The following DACH2 variants were observed in gnomAD, a reference collection of about 807,000 sequenced individuals.
DACH2 encodes the protein dachshund homolog 2.
DACH2 carries 17 observed loss-of-function variants against 35.8 expected under a neutral mutation model. The observed-to-expected ratio is 0.48, with a 90% CI of 0.33 to 0.71. DACH2 has a LOEUF of 0.71. DACH2 is among the 30% of genes least tolerant of loss of function. The pLI is 0.02. For synonymous variants in DACH2, 195 were observed against 177.3 expected, an observed-to-expected ratio of 1.10 and a Z score of -0.79; for missense variants, 469 against 472.7, an observed-to-expected ratio of 0.99 and a Z score of 0.07.
At chrX:86,214,829 T>C (rs993639961) in intron 1 of DACH2, among the ~76,000 whole-genome samples, 3 of 111,548 alleles carry the variant, frequency 2.7e-5, no homozygotes, top group Non-Finnish European at 5.7e-5. Context: ...TAGAAGAAAA[T>C]ACATAGTCAT....
At chrX:86,244,840 C>T (rs2033245095) in intron 1 of DACH2, among the ~76,000 whole-genome samples, 1 of 111,998 alleles carries the variant, frequency 8.9e-6, no homozygotes, top group African/African-American at 3.2e-5. Context: ...AAAGAGATTG[C>T]CACTAAAAAT....
intron 3 of DACH2, among the ~76,000 whole-genome samples, chrX:86,595,456 A>C (rs781207887): frequency 9.0e-6 from 1 of 111,116 alleles, no homozygotes; most frequent in African/African-American, 3.3e-5. Context: ...CATGATATAT[A>C]ATTCTCTACC....
Position 86,832,312 on chromosome X carries a change from T to C in DACH2, c.*157T>C. 4 of 455,301 alleles carry C rather than the reference T, an allele frequency of 8.8e-6. No individual in the cohort carries two copies. Among genetic ancestry groups the C allele is most frequent in the Non-Finnish European group, 1.1e-5 (3 of 271,366 alleles). 37.5% of individuals were successfully genotyped at this position (455,301 alleles called of 1,213,427 possible). A position where few individuals can be genotyped will look rare whatever the true frequency, so the allele number is the denominator to read the frequency against. ...TGTTACATTAAAAAAGAAACGCGTG[T>C]ACATTTTAAAAGCAATGATGTAAAC... On this transcript the variant is annotated 3_prime_UTR_variant, in exon 12 of 12. Coordinates refer to ENST00000373125, the MANE Select transcript of DACH2 (RefSeq NM_053281.3).
At chrX:86,577,133 G>C (rs1201087414) in intron 3 of DACH2, among the ~76,000 whole-genome samples, 1 of 111,902 alleles carries the variant, frequency 8.9e-6, no homozygotes, top group Non-Finnish European at 1.9e-5. Context: ...AATGGGTAAA[G>C]CATCTAATTT....
chrX:86,234,683 G>A (rs972641271), intron 1 of DACH2, among the ~76,000 whole-genome samples: 7 of 107,202 alleles, frequency 6.5e-5, no homozygotes, highest in South Asian at 4.2e-4. Context: ...GTGCGATCTC[G>A]GCTCACTGCA....
intron 1 of DACH2, among the ~76,000 whole-genome samples, chrX:86,266,707 C>A (rs943559211): frequency 9.0e-6 from 1 of 111,466 alleles, no homozygotes; most frequent in African/African-American, 3.3e-5. Context: ...CTTAACTTCT[C>A]TGGACCTCAG....
chrX:86,613,501 A>T (rs1041002860), intron 3 of DACH2, among the ~76,000 whole-genome samples: 1 of 111,736 alleles, frequency 8.9e-6, no homozygotes, highest in African/African-American at 3.2e-5. Flanking sequence ...CCAATTATAA[A>T]TTTTTTTGGT....
intron 1 of DACH2, among the ~76,000 whole-genome samples, chrX:86,281,394 A>G (rs756611130): frequency 2.9e-4 from 32 of 111,938 alleles, no homozygotes; most frequent in African/African-American, 9.1e-4. Context: ...AACCAGTGAC[A>G]AAAACCACAT....
At chrX:86,279,181 G>A (rs2033976015) in intron 1 of DACH2, among the ~76,000 whole-genome samples, 1 of 111,889 alleles carries the variant, frequency 8.9e-6, no homozygotes, top group African/African-American at 3.2e-5. Context: ...CCAGCACAGT[G>A]CTTGAACTCT....
intron 7 of DACH2, among the ~76,000 whole-genome samples, chrX:86,781,024 ACT>A (rs2042084475): frequency 9.0e-6 from 1 of 110,676 alleles, no homozygotes; most frequent in African/African-American, 3.3e-5. Flanking sequence ...GAGTTTATAA[ACT>A]CAGTGTTTCA....
At chrX:86,461,750 T>C (rs920225789) in intron 2 of DACH2, among the ~76,000 whole-genome samples, 2 of 111,628 alleles carry the variant, frequency 1.8e-5, no homozygotes, top group Admixed American at 9.5e-5. Context: ...AAATGGAGGT[T>C]CTGTGAAAGC....
intron 2 of DACH2, among the ~76,000 whole-genome samples, chrX:86,489,590 A>G (rs1178980766): frequency 9.0e-6 from 1 of 111,548 alleles, no homozygotes; most frequent in African/African-American, 3.2e-5. Context: ...CCATTTCACA[A>G]TGTAAACATG....
chrX:86,510,882 C>T (rs1364109312), intron 2 of DACH2, among the ~76,000 whole-genome samples: 1 of 111,122 alleles, frequency 9.0e-6, no homozygotes, highest in Non-Finnish European at 1.9e-5. Context: ...CAAATAATTG[C>T]CAAGAAACAA....
chrX:86,423,064 C>A (rs1325920240), intron 2 of DACH2, among the ~76,000 whole-genome samples: 4 of 111,749 alleles, frequency 3.6e-5, no homozygotes, highest in African/African-American at 6.5e-5. Context: ...TATATCCATT[C>A]ATCTATTTTT....
chrX:86,688,270 C>T (rs2040971648), intron 4 of DACH2, among the ~76,000 whole-genome samples: 1 of 111,392 alleles, frequency 9.0e-6, no homozygotes, highest in African/African-American at 3.3e-5. Flanking sequence ...TCTGATACTC[C>T]ATCTTCTTTA....
chrX:86,308,801 C>T lies in DACH2; in HGVS notation c.489-68023C>T, dbSNP rs187265081. Among the ~76,000 whole-genome samples the T allele has an allele frequency of 8.0e-3, 890 of 111,447 alleles. 11 individuals carry two copies. The highest frequency in any genetic ancestry group is 0.027 in the African/African-American group (840 of 30,648). On this transcript the variant is annotated intron_variant, in intron 1 of 11. Coordinates refer to ENST00000373125, the MANE Select transcript of DACH2 (RefSeq NM_053281.3). The stretch of plus-strand genomic sequence containing the variant: ...TACTGGCTCTGAGCTGATGTTGATT[C>T]CAGGCAACTCATAATGTCAATGTGG...
At chrX:86,190,634 GTC>G (rs1254488888) in intron 1 of DACH2, among the ~76,000 whole-genome samples, 2 of 112,194 alleles carry the variant, frequency 1.8e-5, no homozygotes, top group African/African-American at 3.2e-5. Flanking sequence ...TCTCATATCA[GTC>G]AAAATTGCTA....
intron 1 of DACH2, among the ~76,000 whole-genome samples, chrX:86,244,290 G>T (rs768608534): frequency 8.9e-6 from 1 of 112,090 alleles, no homozygotes; most frequent in Admixed American, 9.5e-5. Flanking sequence ...TGAGTCAATT[G>T]ATTATCCCAA....
chrX:86,175,980 T>C (rs1343145498), intron 1 of DACH2, among the ~76,000 whole-genome samples: 2 of 111,621 alleles, frequency 1.8e-5, no homozygotes, highest in African/African-American at 6.5e-5. Context: ...AAGGTCGTGG[T>C]CATAAATTCA....
Sources: gnomAD v4.1 joint callset for allele counts (sites outside exome capture counted in the v4.1 genomes callset) on GRCh38, gnomAD v4.1.1 for gene constraint, MANE v1.5 for transcripts, NCBI Gene and HGNC (gene_info 2026-07-23, HGNC 2026-07-21) for gene names.